ZNF385A: variants seen among roughly 807,000 people sequenced by gnomAD.
ZNF385A encodes hematopoietic zinc finger protein.
ZNF385A carries 14 observed loss-of-function variants against 32.1 expected under a neutral mutation model. The ratio of observed to expected loss-of-function variants is 0.44; its 90% CI spans 0.29 to 0.68. The LOEUF (loss-of-function observed/expected upper bound fraction) is 0.68, where lower values mean the gene tolerates loss of function less well. Ranked by LOEUF, ZNF385A falls within the 30% of genes least tolerant of loss-of-function variation. The probability of loss-of-function intolerance (pLI) is 0.14; values close to 1 mark genes in which losing one functional copy is unlikely to be tolerated. For missense variants in ZNF385A, 406 were observed against 478.4 expected (o/e 0.85, Z 1.41); for synonymous variants, 197 against 202.7 (o/e 0.97, Z 0.24).
At chr12:54,373,617 T>A (rs1232499554) in intron 3 of ZNF385A, among the ~76,000 whole-genome samples, 4 of 152,224 alleles carry the variant, frequency 2.6e-5, no homozygotes, top group Admixed American at 2.0e-4. Context: ...AACTCAGATA[T>A]TCTGATTCCC....
Position 54,382,212 on chromosome 12 carries a change from C to T in ZNF385A, c.87+2216G>A, listed in dbSNP as rs545052345. Among the ~76,000 whole-genome samples the T allele has an allele frequency of 2.4e-4, 36 of 150,080 alleles. No homozygotes were observed. In the East Asian group the frequency reaches 6.3e-3, roughly 26 times the overall value. On this transcript the variant is annotated intron_variant, in intron 1 of 6. Transcript: ENST00000394313. ...CCTCCGGAGTAGCTGGGAGTACAGG[C>T]GCCCGCCACCACGCCCGGCTAGTTT...
chr12:54,371,001 C>G lies in ZNF385A; in HGVS notation c.700G>C (p.Ala234Pro). 6.2e-7 allele frequency: 1 copy of G among 1,614,196 alleles called. No homozygotes were observed. Among genetic ancestry groups the G allele is most frequent in the Non-Finnish European group, 8.5e-7 (1 of 1,180,026 alleles). Residue 234 changes from alanine to proline, a missense_variant, in exon 5 of 7, where the codon GCT (alanine) becomes CCT (proline). Physicochemically the swap from Ala to Pro is conservative, Grantham distance 27 (BLOSUM62 -1). Coordinates refer to ENST00000394313, the MANE Select transcript of ZNF385A (RefSeq NM_015481.3). ...LGPPTPGEPE[A>P]PAQDRTFHCE... is the part of the protein sequence containing the mutation. ...TGGAAAGTTCGGTCCTGGGCAGGAG[C>G]CTCTGGTTCCCCCGGGGTGGGAGGC...
Position 54,384,712 on chromosome 12 carries a change from C to G in ZNF385A, c.-198G>C, listed in dbSNP as rs1955378174. 1 of 1,345,850 alleles carries G rather than the reference C, an allele frequency of 7.4e-7. No homozygotes were observed. Among genetic ancestry groups the G allele is most frequent in the South Asian group, 1.9e-5 (1 of 52,140 alleles). 83.4% of individuals were successfully genotyped at this position (1,345,850 alleles called of 1,614,324 possible). A position where few individuals can be genotyped will look rare whatever the true frequency, so the allele number is the denominator to read the frequency against. On this transcript the variant is annotated 5_prime_UTR_variant, in exon 1 of 7. Transcript: ENST00000394313. ...ATAGTGTACACACTTCCCCTGCTGGCTCCAGAGCAATGGAGCACAGTGCCC... is the reference window on the plus strand; with the variant it reads ...ATAGTGTACACACTTCCCCTGCTGGGTCCAGAGCAATGGAGCACAGTGCCC...
At chr12:54,387,493 C>T (rs768602392), upstream of ZNF385A, among the ~76,000 whole-genome samples, 5 of 152,222 alleles carry the variant, frequency 3.3e-5, no homozygotes, top group Non-Finnish European at 5.9e-5. Context: ...GCCTCTCCCT[C>T]TCTTTTTCTG....
upstream of ZNF385A, chr12:54,385,534 C>T (rs1236167175): frequency 1.5e-6 from 1 of 670,098 alleles, no homozygotes; most frequent in African/African-American, 2.0e-5. Context: ...CCAGTAACCC[C>T]CTGACAGCAA....
At position 54,375,823 on chromosome 12, in the gene ZNF385A, AT is replaced by A. The variant is rs761676279; in HGVS notation, c.198+20del. On this transcript the variant is annotated intron_variant, in intron 2 of 6. Transcript: ENST00000394313. The stretch of plus-strand genomic sequence containing the variant: ...TGCCCCTGCCCCACCCACTGGGTAG[AT>A]GAGCAGCTTGGCTTCTTACCTGAGA... The A allele has an allele frequency of 2.1e-5, 34 of 1,609,640 alleles. No individual in the cohort carries two copies. In the African/African-American group the frequency reaches 4.4e-4, roughly 21 times the overall value.
rs1250090247 is a variant in ZNF385A at position 54,370,208 on chromosome 12, G to A, written c.*48C>T. On this transcript the variant is annotated 3_prime_UTR_variant, in exon 7 of 7. Coordinates refer to ENST00000394313, the MANE Select transcript of ZNF385A (RefSeq NM_015481.3). This position sits in a 1 kb window ranked among gnomAD's most constrained non-coding sequence, Gnocchi z 5.5. ...GCGGGCTGGGAGCCCGGACGCCTGG[G>A]TCCCGGCTGGAGGTGGGGAGTTGAA... The A allele has an allele frequency of 6.5e-6, 9 of 1,380,664 alleles. No individual in the cohort carries two copies. The African/African-American group carries it at 1.4e-4, about 21-fold the overall frequency. The allele number at this position is 1,380,664 out of a possible 1,614,324, so 85.5% of individuals were successfully genotyped here. A position where few individuals can be genotyped will look rare whatever the true frequency, so the allele number is the denominator to read the frequency against.
At chr12:54,373,137 G>GTGTGTGTT (rs1224740541) in intron 3 of ZNF385A, 1 of 148,420 alleles carries the variant, frequency 6.7e-6, no homozygotes, top group South Asian at 2.0e-4. Flanking sequence ...GTGTGTGTGT[G>GTGTGTGTT]TGTGTGTGTG....
Position 54,371,688 on chromosome 12 carries a change from G to A in ZNF385A, c.389C>T (p.Ala130Val), listed in dbSNP as rs202122112. 1.6e-5 allele frequency: 26 copies of A among 1,611,164 alleles called. No homozygotes were observed. The highest frequency in any genetic ancestry group is 2.2e-5 in the East Asian group (1 of 44,850). Residue 130 changes from alanine (A) to valine (V), a missense_variant, in exon 4 of 7, where the codon GCC becomes GTC. Coordinates refer to ENST00000394313, the MANE Select transcript of ZNF385A (RefSeq NM_015481.3). ...AGGCTGTTTCTCTGGGGATCCTGGG[G>A]CTGGCCCCAGTCCATTCTCCATGGA... ...PVSMENGLGP[A>V]PGSPEKQPGS...
upstream of ZNF385A, chr12:54,384,741 G>A (rs1955380283): frequency 7.7e-7 from 1 of 1,300,892 alleles, no homozygotes; most frequent in South Asian, 2.4e-5. Flanking sequence ...AGTGCCCTGT[G>A]GGCCTGGGGG....
chr12:54,377,334 A>G (rs932855672), intron 1 of ZNF385A, among the ~76,000 whole-genome samples: 2 of 151,988 alleles, frequency 1.3e-5, no homozygotes. Flanking sequence ...CTCTTGGCCT[A>G]CTCTTGGTTG....
intron 2 of ZNF385A, among the ~76,000 whole-genome samples, chr12:54,375,185 C>T (rs2137202783): frequency 6.6e-6 from 1 of 152,226 alleles, no homozygotes; most frequent in African/African-American, 2.4e-5. Flanking sequence ...AGGGCCTGCA[C>T]CCCACAAAGT....
In ZNF385A at chr12:54,384,508, G is replaced by A. The variant is rs1248385227; in HGVS notation, c.7C>T (p.Pro3Ser). 1.9e-6 allele frequency: 3 copies of A among 1,551,544 alleles called. No individual in the cohort carries two copies. The highest frequency in any genetic ancestry group is 2.6e-6 in the Non-Finnish European group (3 of 1,152,220). Residue 3 changes from proline (P) to serine (S), a missense_variant, in exon 1 of 7, where the codon CCC (proline) becomes TCC (serine). Transcript: ENST00000394313. ...AGGATCTGCTTGAGGTCCAGTGGGG[G>A]CTGCATGATCGGGGGCTGCCGTAGC... Reference protein sequence around the residue: MQPPLDLKQILPF... With the variant: MQSPLDLKQILPF...
At chr12:54,387,244 C>T (rs962772550), upstream of ZNF385A, among the ~76,000 whole-genome samples, 2 of 152,134 alleles carry the variant, frequency 1.3e-5, no homozygotes, top group African/African-American at 4.8e-5. Context: ...GCTAACAACT[C>T]ATCTTTTCCA....
intron 1 of ZNF385A, among the ~76,000 whole-genome samples, chr12:54,378,215 C>A: frequency 6.6e-6 from 1 of 152,144 alleles, no homozygotes; most frequent in East Asian, 1.9e-4. Context: ...TGGGCCCAAT[C>A]CCTGTGCAGG....
Position 54,370,882 on chromosome 12 carries a change from G to C in ZNF385A, c.774+45C>G, listed in dbSNP as rs1269502110. 1.2e-6 allele frequency: 2 copies of C among 1,613,580 alleles called. No individual in the cohort carries two copies. Among genetic ancestry groups the C allele is most frequent in the Non-Finnish European group, 1.7e-6 (2 of 1,179,670 alleles). On this transcript the variant is annotated intron_variant, in intron 5 of 6. Transcript: ENST00000394313. The surrounding 1 kb of genome is among the most constrained non-coding windows in gnomAD (Gnocchi z 5.5). ...GCTCCTTGCTCCCCTTCCCCACTTA[G>C]CGGGTGGAGCGTCCCAGAATTCCTG...
At chr12:54,373,117 AG>A (rs776806887) in intron 3 of ZNF385A, 1 of 124,480 alleles carries the variant, frequency 8.0e-6, no homozygotes, top group Non-Finnish European at 1.6e-5. Flanking sequence ...TGCATCCCTG[AG>A]GGGGTTCTGT....
upstream of ZNF385A, among the ~76,000 whole-genome samples, chr12:54,386,209 C>CACACACACACAG (rs1555162842): frequency 7.2e-6 from 1 of 139,772 alleles, no homozygotes; most frequent in East Asian, 2.2e-4. Context: ...CACACACACA[C>CACACACACACAG]AGAGAGACGG....
At chr12:54,384,120 C>T (rs1955342292) in intron 1 of ZNF385A, among the ~76,000 whole-genome samples, 1 of 152,128 alleles carries the variant, frequency 6.6e-6, no homozygotes, top group Non-Finnish European at 1.5e-5. Flanking sequence ...CTGTTACTAC[C>T]ACCAATTTAA....
Sources: gnomAD v4.1 joint callset for allele counts (sites outside exome capture counted in the v4.1 genomes callset) on GRCh38, gnomAD v4.1.1 for gene constraint, Gnocchi (gnomAD v3.1) non-coding constraint, MANE v1.5 for transcripts, NCBI Gene and HGNC (gene_info 2026-07-23, HGNC 2026-07-21) for gene names.